ATP13A5: variants seen among roughly 807,000 people sequenced by gnomAD.
The protein encoded by ATP13A5 is probable cation-transporting ATPase 13A5.
In ATP13A5, 149 loss-of-function variants were observed where a neutral mutation model predicts 150.2. The ratio of observed to expected loss-of-function variants is 0.99; its 90% CI spans 0.87 to 1.14. ATP13A5 has a LOEUF of 1.14. ATP13A5 is among the 50% of genes most tolerant of loss of function. The pLI is 0.00. For missense variants in ATP13A5, 1,383 were observed against 1,449.3 expected (o/e 0.95, Z 0.74); for synonymous variants, 497 against 522.2 (o/e 0.95, Z 0.66).
At chr3:193,281,044 TA>T (rs1717471136) in intron 27 of ATP13A5, 1 of 218,824 alleles carries the variant, frequency 4.6e-6, no homozygotes, top group South Asian at 1.6e-4. Flanking sequence ...TGTATATAAA[TA>T]AATGCAGCAC....
intron 9 of ATP13A5, among the ~76,000 whole-genome samples, chr3:193,337,241 A>C (rs920798653): frequency 8.5e-5 from 13 of 152,088 alleles, no homozygotes; most frequent in Non-Finnish European, 1.8e-4. Flanking sequence ...CTTTAGTTTA[A>C]TTAGATCTCA....
rs959304066 is a variant in ATP13A5, at chr3:193,337,461, G to T, written c.944-2362C>A. ...AATTTCAGCTTTCTACATATGGCTA[G>T]CCAGTTTTCCCAGCACCATTTATTA... On this transcript the variant is annotated intron_variant, in intron 9 of 29. Transcript: ENST00000342358. Among the ~76,000 whole-genome samples the T allele has an allele frequency of 7.2e-5, 11 of 152,266 alleles. No individual in the cohort carries two copies. The East Asian group carries it at 1.2e-3, about 16-fold the overall frequency.
intron 21 of ATP13A5, among the ~76,000 whole-genome samples, chr3:193,308,328 G>T (rs1718698768): frequency 6.6e-6 from 1 of 151,940 alleles, no homozygotes; most frequent in Admixed American, 6.6e-5. Context: ...GCATGGTGGT[G>T]TGCTCCTGTA....
intron 1 of ATP13A5, among the ~76,000 whole-genome samples, chr3:193,373,513 A>T (rs753563616): frequency 5.2e-5 from 7 of 135,898 alleles, no homozygotes; most frequent in African/African-American, 8.5e-5. Flanking sequence ...TCAAACAATG[A>T]TCATTCTTTA....
In ATP13A5 at chr3:193,285,005, G is replaced by A. The variant is rs759147162; in HGVS notation, c.3135C>T (p.Thr1045=). The A allele has an allele frequency of 6.2e-7, 1 of 1,613,900 alleles. No individual in the cohort carries two copies. The highest frequency in any genetic ancestry group is 1.3e-5 in the African/African-American group (1 of 74,906). The change falls in exon 27 of 30, where the codon ACC becomes ACT. Residue 1045 remains threonine, a synonymous_variant. Coordinates refer to ENST00000342358, the MANE Select transcript of ATP13A5 (RefSeq NM_198505.4). ...IPGSILSFET[T]TLWPITTINY... is the part of the protein sequence containing the mutation. ...TGATGGTGGTGATGGGCCACAGTGT[G>A]GTGGTCTCAAAACTTAAAATTGAAC...
Position 193,331,327 on chromosome 3 carries a change from C to G in ATP13A5, c.1273-16G>C, listed in dbSNP as rs763256244. The G allele has an allele frequency of 6.2e-7, 1 of 1,607,588 alleles. No homozygotes were observed. On this transcript the variant is annotated splice_polypyrimidine_tract_variant and intron_variant, in intron 11 of 29. Coordinates refer to ENST00000342358, the MANE Select transcript of ATP13A5 (RefSeq NM_198505.4). ...TTGGAGGAACCTGGGAGAGGACAGACATTTTCATACAGGATAGCCCAGCAC... is the reference window on the plus strand; with the variant it reads ...TTGGAGGAACCTGGGAGAGGACAGAGATTTTCATACAGGATAGCCCAGCAC...
At chr3:193,279,222 C>T in intron 28 of ATP13A5, 144 bp downstream of exon 28, 1 of 609,468 alleles carries the variant, frequency 1.6e-6, no homozygotes, top group Non-Finnish European at 2.9e-6. Flanking sequence ...ATCCAGATAT[C>T]TTATTTGCCC....
At chr3:193,276,633 C>A (rs1264833318) in intron 29 of ATP13A5, 117 bp downstream of exon 29, 8 of 693,504 alleles carry the variant, frequency 1.2e-5, no homozygotes, top group East Asian at 2.7e-5. Flanking sequence ...TTTTAATAAA[C>A]CCTTAATAAC....
intron 7 of ATP13A5, among the ~76,000 whole-genome samples, chr3:193,349,401 A>T (rs531551528): frequency 6.6e-6 from 1 of 152,206 alleles, no homozygotes; most frequent in Non-Finnish European, 1.5e-5. Flanking sequence ...ATTTTTAAAT[A>T]GGCAAATTAC....
chr3:193,321,427 T>C (rs1719271633), intron 16 of ATP13A5, among the ~76,000 whole-genome samples: 1 of 151,986 alleles, frequency 6.6e-6, no homozygotes, highest in African/African-American at 2.4e-5. Context: ...GGCCAGGAGG[T>C]TGAGACCAGC....
At chr3:193,321,314 C>A (rs1719265570) in intron 16 of ATP13A5, among the ~76,000 whole-genome samples, 1 of 152,136 alleles carries the variant, frequency 6.6e-6, no homozygotes, top group Admixed American at 6.5e-5. Flanking sequence ...GATTGTGAAG[C>A]TTTCTGTGTT....
In ATP13A5 at chr3:193,335,071, T is replaced by C; in HGVS notation, c.972A>G (p.Pro324=). 15 of 1,613,872 alleles carry C rather than the reference T, an allele frequency of 9.3e-6. No individual in the cohort carries two copies. The highest frequency in any genetic ancestry group is 1.7e-5 in the Admixed American group (1 of 60,012). Residue 324 remains proline, a synonymous_variant, in exon 10 of 30, where the codon CCA becomes CCG. Transcript: ENST00000342358. ...GCATAGTGTTCTCCATCTGGGGCAA[T>C]GGTGTCTTTGTAACAGGTATACTTT... ...TGESIPVTKT[P]LPQMENTMPW...
At chr3:193,299,927 A>G (rs1718335948) in intron 24 of ATP13A5, among the ~76,000 whole-genome samples, 1 of 152,150 alleles carries the variant, frequency 6.6e-6, no homozygotes, top group Admixed American at 6.5e-5. Context: ...ATGCACATGG[A>G]AAGTATTGCT....
In ATP13A5 at chr3:193,274,960, G is replaced by GGA. The variant is rs571296524; in HGVS notation, c.*80_*81dup. ...TTGAATGGAGAGAGGAAAGGTAAGG[G>GGA]GAGAGTATCATCACTTCTCCACAAT... On this transcript the variant is annotated 3_prime_UTR_variant, in exon 30 of 30. Coordinates refer to ENST00000342358, the MANE Select transcript of ATP13A5 (RefSeq NM_198505.4). 1.0e-4 allele frequency: 155 copies of GGA among 1,540,378 alleles called. 1 individual carries two copies. The African/African-American group carries it at 2.0e-3, about 19-fold the overall frequency.
At chr3:193,333,978 T>A (rs1577355595) in intron 10 of ATP13A5, 71 bp from the exon 11 acceptor site, 1 of 1,445,574 alleles carries the variant, frequency 6.9e-7, no homozygotes, top group African/African-American at 1.4e-5. Flanking sequence ...ATGGCTTTAC[T>A]GTCTTTGAGG....
At chr3:193,283,391 C>T (rs555360379) in intron 27 of ATP13A5, among the ~76,000 whole-genome samples, 1 of 147,438 alleles carries the variant, frequency 6.8e-6, no homozygotes, top group African/African-American at 2.5e-5. Flanking sequence ...ACAGCTCATA[C>T]AAATAAATGA....
At chr3:193,290,137 C>T in intron 25 of ATP13A5, 78 bp from the exon 26 acceptor site, 4 of 1,400,306 alleles carry the variant, frequency 2.9e-6, no homozygotes, top group Non-Finnish European at 3.8e-6. Context: ...TGCATATTAT[C>T]TTGAGTCTGG....
At position 193,335,029 on chromosome 3, in the gene ATP13A5, A is replaced by G. The variant is rs1363045251; in HGVS notation, c.1014T>C (p.Ser338=). The G allele has an allele frequency of 6.2e-7, 1 of 1,613,738 alleles. No homozygotes were observed. The highest frequency in any genetic ancestry group is 8.5e-7 in the Non-Finnish European group (1 of 1,179,816). Residue 338 remains serine (S), a synonymous_variant, in exon 10 of 30, where the codon AGT becomes AGC. Coordinates refer to ENST00000342358, the MANE Select transcript of ATP13A5 (RefSeq NM_198505.4). ...MENTMPWKCH[S]LEDYRKHVLF... is the part of the protein sequence containing the mutation. ...GGACGTGTTTCCTATAATCCTCCAAACTGTGACATTTCCAAGGCATAGTGT... is the reference window on the plus strand; with the variant it reads ...GGACGTGTTTCCTATAATCCTCCAAGCTGTGACATTTCCAAGGCATAGTGT...
At chr3:193,296,316 T>G (rs1718168347) in intron 25 of ATP13A5, among the ~76,000 whole-genome samples, 1 of 152,114 alleles carries the variant, frequency 6.6e-6, no homozygotes, top group Non-Finnish European at 1.5e-5. Flanking sequence ...ATTGCCTAAA[T>G]GTGGGTGTTG....
Sources: gnomAD v4.1 joint callset for allele counts (sites outside exome capture counted in the v4.1 genomes callset) on GRCh38, gnomAD v4.1.1 for gene constraint, MANE v1.5 for transcripts, NCBI Gene and HGNC (gene_info 2026-07-23, HGNC 2026-07-21) for gene names.